USH2A: variants seen among roughly 807,000 people sequenced by gnomAD.
USH2A encodes usherin.
Under a neutral mutation model 538.9 loss-of-function variants are expected in USH2A, and 443 were observed. The observed-to-expected ratio is 0.82, with a 90% confidence interval of 0.76 to 0.89. The LOEUF is 0.89. Among genes scored for constraint, USH2A ranks in the 40% least tolerant of loss-of-function variants. The probability of loss-of-function intolerance (pLI) is 0.00; values close to 1 mark genes in which losing one functional copy is unlikely to be tolerated. For synonymous variants in USH2A, 2,413 were observed against 2,273.5 expected (o/e 1.06, Z -1.75); for missense variants, 6,633 against 6,324.8 (o/e 1.05, Z -1.65).
At chr1:215,691,664 G>A (rs940732906) in intron 61 of USH2A, among the ~76,000 whole-genome samples, 1 of 152,048 alleles carries the variant, frequency 6.6e-6, no homozygotes, top group Non-Finnish European at 1.5e-5. Context: ...ATTATTGCTT[G>A]TTGTCTGTCT....
intron 37 of USH2A, among the ~76,000 whole-genome samples, chr1:215,949,929 A>G (rs1228923076): frequency 2.0e-5 from 3 of 152,170 alleles, no homozygotes; most frequent in African/African-American, 7.2e-5. Flanking sequence ...AAAGACAAAC[A>G]AATAGGAAAA....
intron 21 of USH2A, among the ~76,000 whole-genome samples, chr1:216,142,254 T>A (rs1347647416): frequency 3.3e-5 from 5 of 152,222 alleles, no homozygotes; most frequent in Non-Finnish European, 5.9e-5. Flanking sequence ...CACCACATCA[T>A]ACCAACTGGA....
chr1:216,402,912 A>C (rs1345993183), intron 3 of USH2A, among the ~76,000 whole-genome samples: 3 of 152,184 alleles, frequency 2.0e-5, no homozygotes, highest in African/African-American at 7.2e-5. Flanking sequence ...ATTAAATACT[A>C]AATTAAATTA....
chr1:216,097,720 C>T (rs2032474060), intron 21 of USH2A, among the ~76,000 whole-genome samples: 1 of 152,178 alleles, frequency 6.6e-6, no homozygotes, highest in Non-Finnish European at 1.5e-5. Context: ...TGGTTTGCAG[C>T]CTTCAGAATT....
chr1:215,836,469 TATATATATATAATATATA>T (rs1663493358), intron 47 of USH2A, among the ~76,000 whole-genome samples: 1 of 10,192 alleles, frequency 9.8e-5, no homozygotes, highest in African/African-American at 2.7e-4. Context: ...ATATATTATA[TATATATATATAATATATA>T]TTATATATAT....
intron 30 of USH2A, among the ~76,000 whole-genome samples, chr1:216,066,382 C>T (rs370392042): frequency 2.0e-5 from 3 of 151,992 alleles, no homozygotes; most frequent in Admixed American, 1.3e-4. Flanking sequence ...AAGAGAATGG[C>T]GTAAACCTGG....
At chr1:215,756,852 G>T (rs1660809410) in intron 58 of USH2A, among the ~76,000 whole-genome samples, 1 of 152,072 alleles carries the variant, frequency 6.6e-6, no homozygotes, top group Non-Finnish European at 1.5e-5. Context: ...GGCGGAGGTT[G>T]CTGTGAGCTG....
chr1:215,780,962 C>T (rs1661617695), intron 54 of USH2A, among the ~76,000 whole-genome samples: 2 of 152,226 alleles, frequency 1.3e-5, no homozygotes, highest in Admixed American at 6.5e-5. Flanking sequence ...CAGAGCTACT[C>T]TGTGTAAGTT....
At chr1:215,718,109 C>T (rs1659537882) in intron 61 of USH2A, among the ~76,000 whole-genome samples, 1 of 152,170 alleles carries the variant, frequency 6.6e-6, no homozygotes, top group Admixed American at 6.5e-5. Context: ...GCAGTTCTAG[C>T]TTACTATTAC....
At chr1:215,803,911 G>C (rs538740155) in intron 49 of USH2A, among the ~76,000 whole-genome samples, 24 of 152,246 alleles carry the variant, frequency 1.6e-4, no homozygotes, top group Admixed American at 1.3e-3. Flanking sequence ...AACCAAAACA[G>C]CATGGTACTG....
At chr1:216,150,836 C>T (rs1231073617) in intron 21 of USH2A, among the ~76,000 whole-genome samples, 2 of 152,232 alleles carry the variant, frequency 1.3e-5, no homozygotes, top group Non-Finnish European at 2.9e-5. Flanking sequence ...GGTAACCTTT[C>T]ACCTTCTCGA....
chr1:216,174,755 A>G, intron 21 of USH2A: 7 of 995,870 alleles, frequency 7.0e-6, no homozygotes, highest in Non-Finnish European at 8.4e-6. Context: ...TGAAAAAAAG[A>G]AGAAGGAAAC....
At chr1:215,711,126 G>A (rs1046962075) in intron 61 of USH2A, among the ~76,000 whole-genome samples, 4 of 152,080 alleles carry the variant, frequency 2.6e-5, no homozygotes, top group South Asian at 2.1e-4. Flanking sequence ...TTGAATGCCC[G>A]CAAAATGAAA....
intron 27 of USH2A, 43 bp downstream of exon 27, chr1:216,078,046 C>T: frequency 6.2e-7 from 1 of 1,612,624 alleles, no homozygotes; most frequent in African/African-American, 1.3e-5. Flanking sequence ...ACTGTTAGCA[C>T]CAGGGCTGTA....
chr1:216,153,003 G>T (rs1386512257), intron 21 of USH2A, among the ~76,000 whole-genome samples: 1 of 152,134 alleles, frequency 6.6e-6, no homozygotes, highest in Non-Finnish European at 1.5e-5. Context: ...AGAGGATTTC[G>T]GCTGGGGTTA....
chr1:215,833,135 CAATTGATCCACA>C (rs1385920576), intron 47 of USH2A, among the ~76,000 whole-genome samples: 2 of 151,844 alleles, frequency 1.3e-5, no homozygotes, highest in Non-Finnish European at 2.9e-5. Context: ...AATTCTCTAC[CAATTGATCCACA>C]AATTCAATGC....
chr1:215,751,483 A>G (rs568666356), intron 58 of USH2A, among the ~76,000 whole-genome samples: 1 of 152,274 alleles, frequency 6.6e-6, no homozygotes, highest in African/African-American at 2.4e-5. Context: ...TATAGTCATC[A>G]TCTCGATAAA....
chr1:216,418,817 G>A, intron 2 of USH2A, 138 bp from the exon 3 acceptor site: 1 of 785,116 alleles, frequency 1.3e-6, no homozygotes, highest in Middle Eastern at 2.3e-4. Context: ...GTGCCTGAAT[G>A]TCATTATATT....
intron 3 of USH2A, among the ~76,000 whole-genome samples, chr1:216,371,403 A>G (rs781499035): frequency 1.4e-4 from 22 of 152,224 alleles, no homozygotes; most frequent in Non-Finnish European, 7.3e-5. Context: ...AAACTGGTAC[A>G]GGATTGTCAC....
Sources: gnomAD v4.1 joint callset for allele counts (sites outside exome capture counted in the v4.1 genomes callset) on GRCh38, gnomAD v4.1.1 for gene constraint, MANE v1.5 for transcripts, NCBI Gene and HGNC (gene_info 2026-07-23, HGNC 2026-07-21) for gene names.